FCHSD1: variants seen among roughly 807,000 people sequenced by gnomAD.
FCHSD1 encodes the protein F-BAR and double SH3 domains protein 1.
FCHSD1 carries 109 observed loss-of-function variants against 101.3 expected under a neutral mutation model. That is an observed-to-expected ratio of 1.08 (90% confidence interval 0.92 to 1.26). The LOEUF is 1.26. FCHSD1 is among the 50% of genes most tolerant of loss of function. FCHSD1 has a pLI of 0.00. For missense variants in FCHSD1, 820 were observed against 895.8 expected, an observed-to-expected ratio of 0.92 and a Z score of 1.08; for synonymous variants, 291 against 356.8, an observed-to-expected ratio of 0.82 and a Z score of 2.08.
In FCHSD1 at chr5:141,641,153, G is replaced by A. The variant is rs1278263976; in HGVS notation, c.*345C>T. The stretch of plus-strand genomic sequence containing the variant: ...CCCCAGTGACCCTGGCATCCAGAGT[G>A]GGGTGGGTCATGGAGCCAGGGTGGG... On this transcript the variant is annotated 3_prime_UTR_variant, in exon 20 of 20. Coordinates refer to ENST00000435817, the MANE Select transcript of FCHSD1 (RefSeq NM_033449.3). 1.5e-5 allele frequency: 5 copies of A among 330,194 alleles called. No homozygotes were observed. The highest frequency in any genetic ancestry group is 8.1e-4 in the Middle Eastern group (1 of 1,242). 20.5% of individuals were successfully genotyped at this position (330,194 alleles called of 1,614,324 possible). A position where few individuals can be genotyped will look rare whatever the true frequency, so the allele number is the denominator to read the frequency against.
chr5:141,642,060 C>G, intron 18 of FCHSD1: 1 of 529,810 alleles, frequency 1.9e-6, no homozygotes, highest in Non-Finnish European at 3.4e-6. Context: ...CTAAGTCATG[C>G]AAAGTGAACT....
chr5:141,648,974 G>A lies in FCHSD1; in HGVS notation c.559C>T (p.Gln187Ter). Residue 187 changes from glutamine (Q) to a stop codon, truncating the protein, a stop_gained, in exon 7 of 20, where the codon CAG (glutamine) becomes TAG (stop). Coordinates refer to ENST00000435817, the MANE Select transcript of FCHSD1 (RefSeq NM_033449.3). LOFTEE classifies it high-confidence loss of function. ...CCTCGAACCTTGGTGCTCAGTTTCT[G>A]GAGACTGGTCCGAGAGTGGAAGATC... ...HGIFHSRTSL[Q>*]KLSTKLSAQS... The A allele has an allele frequency of 6.2e-7, 1 of 1,613,940 alleles. No homozygotes were observed. The highest frequency in any genetic ancestry group is 8.5e-7 in the Non-Finnish European group (1 of 1,179,880).
chr5:141,645,996 C>G, intron 12 of FCHSD1, 64 bp from the exon 13 acceptor site: 1 of 1,538,570 alleles, frequency 6.5e-7, no homozygotes, highest in Non-Finnish European at 8.8e-7. Context: ...CTCTGCTTCT[C>G]CCTTCCTTCC....
Position 141,641,571 on chromosome 5 carries a change from G to C in FCHSD1, c.2008-8C>G. ...GGGAGGTGGTGGACGCATCTGTAGG[G>C]AACACACAGTTAGTGCTCCAGAGTT... On this transcript the variant is annotated splice_polypyrimidine_tract_variant and splice_region_variant and intron_variant, in intron 19 of 19. Transcript: ENST00000435817. The C allele has an allele frequency of 6.4e-7, 1 of 1,570,610 alleles. No homozygotes were observed. Among genetic ancestry groups the C allele is most frequent in the South Asian group, 1.2e-5 (1 of 84,954 alleles).
At chr5:141,642,060 C>T (rs1031900890) in intron 18 of FCHSD1, 16 of 529,692 alleles carry the variant, frequency 3.0e-5, no homozygotes, top group African/African-American at 2.9e-4. Context: ...CTAAGTCATG[C>T]AAAGTGAACT....
Position 141,647,434 on chromosome 5 carries a change from C to T in FCHSD1, c.792G>A (p.Leu264=). 8.7e-6 allele frequency: 14 copies of T among 1,608,268 alleles called. No homozygotes were observed. Among genetic ancestry groups the T allele is most frequent in the Non-Finnish European group, 1.0e-5 (12 of 1,177,150 alleles). ...HTELEAAEVI[L]EHAHRGEQTT... Reference sequence around the variant, plus strand: ...TCTGCTCCCCGCGGTGGGCATGCTCCAGGATGACCTCTGCGGCTTCCAGCT... The same window carrying T: ...TCTGCTCCCCGCGGTGGGCATGCTCTAGGATGACCTCTGCGGCTTCCAGCT... The change falls in exon 9 of 20, where the codon CTG becomes CTA. Residue 264 remains leucine (L), a synonymous_variant. Coordinates refer to ENST00000435817, the MANE Select transcript of FCHSD1 (RefSeq NM_033449.3).
intron 7 of FCHSD1, 109 bp downstream of exon 7, chr5:141,648,848 A>T: frequency 7.8e-7 from 1 of 1,279,202 alleles, no homozygotes; most frequent in South Asian, 1.2e-5. Context: ...AGGAAGTAGG[A>T]GAGCCTGGAT....
intron 3 of FCHSD1, 131 bp downstream of exon 3, chr5:141,650,228 G>A: frequency 4.1e-6 from 5 of 1,207,002 alleles, no homozygotes; most frequent in Non-Finnish European, 6.1e-6. Context: ...TTACACAGCA[G>A]GGATCTGACA....
chr5:141,649,448 G>C lies in FCHSD1; in HGVS notation c.322C>G (p.Arg108Gly). The C allele has an allele frequency of 6.2e-7, 1 of 1,613,980 alleles. No individual in the cohort carries two copies. Among genetic ancestry groups the C allele is most frequent in the South Asian group, 1.1e-5 (1 of 91,088 alleles). ...QTRLQASDRY[R>G]DLAGGTGRSA... is the part of the protein sequence containing the mutation. ...CGCCCTGTACCCCCTGCTAGGTCAC[G>C]GTATCGGTCAGACGCCTGGAGTCGG... is the stretch of plus-strand genomic sequence containing the variant. The change falls in exon 5 of 20, where the codon CGT becomes GGT. Residue 108 changes from arginine to glycine, a missense_variant. Arg to Gly is a moderately radical substitution (Grantham distance 125). Coordinates refer to ENST00000435817, the MANE Select transcript of FCHSD1 (RefSeq NM_033449.3). The surrounding 1 kb of genome is among the most constrained non-coding windows in gnomAD (Gnocchi z 4.1).
chr5:141,639,791 C>T lies in FCHSD1; in HGVS notation c.*1707G>A. The T allele has an allele frequency of 7.8e-7, 1 of 1,280,274 alleles. No homozygotes were observed. The highest frequency in any genetic ancestry group is 1.5e-5 in the African/African-American group (1 of 67,672). 79.3% of individuals were successfully genotyped at this position (1,280,274 alleles called of 1,614,324 possible). On this transcript the variant is annotated 3_prime_UTR_variant, in exon 20 of 20. Transcript: ENST00000435817. This position sits in a 1 kb window ranked among gnomAD's most constrained non-coding sequence, Gnocchi z 4.4. ...CAGGCTACACAATGTGCCCCACAATCTGAGAAGGCCTCCCCTACCTTAGGC... is the reference window on the plus strand; with the variant it reads ...CAGGCTACACAATGTGCCCCACAATTTGAGAAGGCCTCCCCTACCTTAGGC...
rs759162383 is a variant in FCHSD1, at chr5:141,649,309, C to G, written c.376-1G>C. ...GCGCCCTCTGGAGGTTCTCTGTTCC[C>G]TATTGGGATGCATACACAAAGTCCT... On this transcript the variant is annotated splice_acceptor_variant, in intron 5 of 19. Transcript: ENST00000435817. LOFTEE classifies it high-confidence loss of function. The surrounding 1 kb of genome is among the most constrained non-coding windows in gnomAD (Gnocchi z 4.1). 9 of 1,614,012 alleles carry G rather than the reference C, an allele frequency of 5.6e-6. No homozygotes were observed. In the South Asian group the frequency reaches 9.9e-5, roughly 18 times the overall value.
rs568734907 is a variant in FCHSD1, at chr5:141,651,230, C to G, written c.22-113G>C. 57 of 1,518,564 alleles carry G rather than the reference C, an allele frequency of 3.8e-5. No homozygotes were observed. The African/African-American group carries it at 7.5e-4, about 20-fold the overall frequency. 94.1% of individuals were successfully genotyped at this position (1,518,564 alleles called of 1,614,324 possible). ...GGGTGCTGAGCTCTTTCCTCTGTTA[C>G]TTCTGGTTTGGGGTCTGACCCCTTC... is the stretch of plus-strand genomic sequence containing the variant. On this transcript the variant is annotated intron_variant, in intron 1 of 19. Transcript: ENST00000435817.
At position 141,649,845 on chromosome 5, in the gene FCHSD1, C is replaced by A. The variant is rs780236994; in HGVS notation, c.233+42G>T. ...AGGTTCCTGGGGCTGAGCTCCCCATCACTTTTTGGCCTCTGTGGCCCTCCC... is the reference window on the plus strand; with the variant it reads ...AGGTTCCTGGGGCTGAGCTCCCCATAACTTTTTGGCCTCTGTGGCCCTCCC... On this transcript the variant is annotated intron_variant, in intron 4 of 19. Coordinates refer to ENST00000435817, the MANE Select transcript of FCHSD1 (RefSeq NM_033449.3). This position sits in a 1 kb window ranked among gnomAD's most constrained non-coding sequence, Gnocchi z 4.1. 3 of 1,536,486 alleles carry A rather than the reference C, an allele frequency of 2.0e-6. No homozygotes were observed. Among genetic ancestry groups the A allele is most frequent in the Non-Finnish European group, 2.6e-6 (3 of 1,142,728 alleles).
chr5:141,644,502 C>T, intron 16 of FCHSD1, 64 bp from the exon 17 acceptor site: 1 of 1,607,438 alleles, frequency 6.2e-7, no homozygotes, highest in Non-Finnish European at 8.5e-7. Context: ...ACCATGACAC[C>T]CCAGGGCTAC....
In FCHSD1 at chr5:141,639,491, C is replaced by A; in HGVS notation, c.*2007G>T. ...TGGATGCCACCTCCAGCCTGCAGGA[C>A]GGAGCCCCCTCCCATCATCACACAG... On this transcript the variant is annotated 3_prime_UTR_variant, in exon 20 of 20. Transcript: ENST00000435817. The surrounding 1 kb of genome is among the most constrained non-coding windows in gnomAD (Gnocchi z 4.4). 1 of 1,613,634 alleles carries A rather than the reference C, an allele frequency of 6.2e-7. No individual in the cohort carries two copies.
In FCHSD1 at chr5:141,640,019, A is replaced by G. The variant is rs202176294; in HGVS notation, c.*1479T>C. On this transcript the variant is annotated 3_prime_UTR_variant, in exon 20 of 20. Transcript: ENST00000435817. ...GGGGCTCTGGTGGGGGACAGGACCC[A>G]GGGGGTGGTCAGGGGTCTGGGGGAG... is the stretch of plus-strand genomic sequence containing the variant. 7 of 1,613,232 alleles carry G rather than the reference A, an allele frequency of 4.3e-6. No individual in the cohort carries two copies. The highest frequency in any genetic ancestry group is 5.9e-6 in the Non-Finnish European group (7 of 1,179,652).
Position 141,649,102 on chromosome 5 carries a change from G to T in FCHSD1, c.512+70C>A. 6.2e-7 allele frequency: 1 copy of T among 1,613,752 alleles called. No individual in the cohort carries two copies. Among genetic ancestry groups the T allele is most frequent in the Non-Finnish European group, 8.5e-7 (1 of 1,179,718 alleles). ...GAGTCAGGCCCAGCTTTGGTGACTT[G>T]GCTCCACCCCTAGACAGCCCCACCT... On this transcript the variant is annotated intron_variant, in intron 6 of 19. Coordinates refer to ENST00000435817, the MANE Select transcript of FCHSD1 (RefSeq NM_033449.3). This position sits in a 1 kb window ranked among gnomAD's most constrained non-coding sequence, Gnocchi z 4.1.
At position 141,647,396 on chromosome 5, in the gene FCHSD1, A is replaced by C. The variant is rs1273992235; in HGVS notation, c.828+2T>G. On this transcript the variant is annotated splice_donor_variant, in intron 9 of 19. Coordinates refer to ENST00000435817, the MANE Select transcript of FCHSD1 (RefSeq NM_033449.3). LOFTEE classifies it high-confidence loss of function. ...GAAGCTCTTAGAGGCCACAGCCCTC[A>C]CCTGGGAGGTTGTCTGCTCCCCGCG... 1 of 1,593,156 alleles carries C rather than the reference A, an allele frequency of 6.3e-7. No homozygotes were observed. The highest frequency in any genetic ancestry group is 8.6e-7 in the Non-Finnish European group (1 of 1,168,376).
At chr5:141,647,877 G>C in intron 8 of FCHSD1, 91 bp downstream of exon 8, 1 of 1,523,332 alleles carries the variant, frequency 6.6e-7, no homozygotes, top group South Asian at 1.2e-5. Context: ...AAGATCCCCT[G>C]CACCACCCAC....
Sources: gnomAD v4.1 joint callset for allele counts on GRCh38, gnomAD v4.1.1 for gene constraint, Gnocchi (gnomAD v3.1) non-coding constraint, MANE v1.5 for transcripts, NCBI Gene and HGNC (gene_info 2026-07-23, HGNC 2026-07-21) for gene names.